Variants in AVIL observed in about 807,000 individuals in gnomAD.
AVIL encodes the protein advillin.
Under a neutral mutation model 109.9 loss-of-function variants are expected in AVIL, and 78 were observed. That is an observed-to-expected ratio of 0.71 (90% confidence interval 0.59 to 0.86). The LOEUF (loss-of-function observed/expected upper bound fraction) is 0.86. Among genes scored for constraint, AVIL ranks in the 40% least tolerant of loss-of-function variants. The pLI is 0.00. For synonymous variants in AVIL, 367 were observed against 379.1 expected, an observed-to-expected ratio of 0.97 and a Z score of 0.37; for missense variants, 892 against 1,016.5, an observed-to-expected ratio of 0.88 and a Z score of 1.67.
In AVIL at chr12:57,799,930, A is replaced by T; in HGVS notation, c.2221-10T>A. 2 of 1,614,058 alleles carry T rather than the reference A, an allele frequency of 1.2e-6. No homozygotes were observed. Among genetic ancestry groups the T allele is most frequent in the Non-Finnish European group, 1.7e-6 (2 of 1,179,924 alleles). On this transcript the variant is annotated splice_polypyrimidine_tract_variant and intron_variant, in intron 18 of 19. Coordinates refer to ENST00000549994, the MANE Select transcript of AVIL (RefSeq NM_006576.4). ...TTGCATTCTTCATGTCCTAGGTAAGATAAGAATGTAGGCACAGGGAAAAGA... is the reference window on the plus strand; with the variant it reads ...TTGCATTCTTCATGTCCTAGGTAAGTTAAGAATGTAGGCACAGGGAAAAGA...
In AVIL at chr12:57,807,609, T is replaced by C; in HGVS notation, c.1313A>G (p.His438Arg). The change falls in exon 12 of 20, where the codon CAC becomes CGC. Residue 438 changes from histidine to arginine, a missense_variant. His to Arg is a conservative substitution (Grantham distance 29). Transcript: ENST00000549994. Reference sequence around the variant, plus strand: ...GCCTACCTGCCAGATGTACAAGATGTGATGTGGCTTCCCATTTACCTCGTA... The same window carrying C: ...GCCTACCTGCCAGATGTACAAGATGCGATGTGGCTTCCCATTTACCTCGTA... ...YTYEVNGKPH[H>R]ILYIWQGRHA... 1 of 1,614,238 alleles carries C rather than the reference T, an allele frequency of 6.2e-7. No individual in the cohort carries two copies. Among genetic ancestry groups the C allele is most frequent in the African/African-American group, 1.3e-5 (1 of 75,058 alleles).
At position 57,811,133 on chromosome 12, in the gene AVIL, G is replaced by A. The variant is rs1232192816; in HGVS notation, c.339-6C>T. 1 of 1,613,654 alleles carries A rather than the reference G, an allele frequency of 6.2e-7. No individual in the cohort carries two copies. Among genetic ancestry groups the A allele is most frequent in the Non-Finnish European group, 8.5e-7 (1 of 1,179,770 alleles). ...CGACACCCCCCTGCTTGTAGCTAAGGGAACATCCATTCAGTTATTTGAGTG... is the reference window on the plus strand; with the variant it reads ...CGACACCCCCCTGCTTGTAGCTAAGAGAACATCCATTCAGTTATTTGAGTG... On this transcript the variant is annotated splice_region_variant and splice_polypyrimidine_tract_variant and intron_variant, in intron 4 of 19. Coordinates refer to ENST00000549994, the MANE Select transcript of AVIL (RefSeq NM_006576.4).
Position 57,818,612 on chromosome 12 carries a change from T to C in AVIL, c.-20+17A>G, listed in dbSNP as rs142739526. ...AGGAGGATTAACTGGCATGCCCCCGTAAATCAGAGACCTTACCTTGCCTTC... is the reference window on the plus strand; with the variant it reads ...AGGAGGATTAACTGGCATGCCCCCGCAAATCAGAGACCTTACCTTGCCTTC... On this transcript the variant is annotated intron_variant, in intron 1 of 19. Coordinates refer to ENST00000549994, the MANE Select transcript of AVIL (RefSeq NM_006576.4). 1.3e-5 allele frequency: 2 copies of C among 152,294 alleles called. No individual in the cohort carries two copies. The highest frequency in any genetic ancestry group is 4.8e-5 in the African/African-American group (2 of 41,562). The allele number at this position is 152,294 out of a possible 1,614,324, so 9.4% of individuals were successfully genotyped here. A position where few individuals can be genotyped will look rare whatever the true frequency, so the allele number is the denominator to read the frequency against.
In AVIL at chr12:57,807,369, A is replaced by AGT; in HGVS notation, c.1451_1452dup (p.Phe485ThrfsTer10). On this transcript the variant is annotated frameshift_variant, in exon 13 of 20. Coordinates refer to ENST00000549994, the MANE Select transcript of AVIL (RefSeq NM_006576.4). LOFTEE classifies it high-confidence loss of function. ...AGCTTCCCTTTGAAGATGGCCATGA[A>AGT]GTGGCGTGGCTCCGTTCCCATCCTG... 1 of 1,614,212 alleles carries AGT rather than the reference A, an allele frequency of 6.2e-7. No individual in the cohort carries two copies. The highest frequency in any genetic ancestry group is 8.5e-7 in the Non-Finnish European group (1 of 1,180,030).
chr12:57,809,451 TC>T, intron 9 of AVIL, 145 bp downstream of exon 9: 2 of 889,114 alleles, frequency 2.2e-6, no homozygotes, highest in Non-Finnish European at 3.4e-6. Flanking sequence ...TGGATTTGAA[TC>T]CCAGTTTGTC....
At position 57,797,836 on chromosome 12, in the gene AVIL, A is replaced by G; in HGVS notation, c.*46T>C. 1 of 1,409,640 alleles carries G rather than the reference A, an allele frequency of 7.1e-7. No individual in the cohort carries two copies. Among genetic ancestry groups the G allele is most frequent in the South Asian group, 1.4e-5 (1 of 73,812 alleles). 87.3% of individuals were successfully genotyped at this position (1,409,640 alleles called of 1,614,324 possible). On this transcript the variant is annotated 3_prime_UTR_variant, in exon 20 of 20. Transcript: ENST00000549994. ...TAAATTATTTCCTGATATTGGCACT[A>G]TCTGCTCTTTTCTGTGGCCTTGCAA...
chr12:57,810,645 G>T, intron 6 of AVIL, 94 bp from the exon 7 acceptor site: 2 of 1,459,584 alleles, frequency 1.4e-6, no homozygotes, highest in Non-Finnish European at 9.4e-7. Context: ...AGACACAGGA[G>T]TTACTTGGAT....
intron 9 of AVIL, 130 bp downstream of exon 9, chr12:57,809,467 T>C (rs1051152727): frequency 1.9e-6 from 2 of 1,059,404 alleles, no homozygotes; most frequent in African/African-American, 3.2e-5. Flanking sequence ...TTTGTCTGCC[T>C]GACTTTGCAG....
intron 19 of AVIL, among the ~76,000 whole-genome samples, chr12:57,798,760 G>A (rs1209949042): frequency 6.6e-6 from 1 of 151,800 alleles, no homozygotes; most frequent in African/African-American, 2.4e-5. Flanking sequence ...GGGACTACAG[G>A]CACCCACCAC....
At chr12:57,798,836 C>T (rs988786371) in intron 19 of AVIL, among the ~76,000 whole-genome samples, 30 of 152,022 alleles carry the variant, frequency 2.0e-4, no homozygotes, top group African/African-American at 7.2e-4. Flanking sequence ...AGGCCAGTCT[C>T]GAACTCCTGA....
At chr12:57,800,050 A>AG in intron 18 of AVIL, 130 bp from the exon 19 acceptor site, 6 of 1,235,412 alleles carry the variant, frequency 4.9e-6, no homozygotes, top group Non-Finnish European at 6.7e-6. Context: ...CTTTGATAAC[A>AG]ATGCTCCCCA....
chr12:57,809,053 T>G (rs957294508), intron 9 of AVIL: 1 of 165,484 alleles, frequency 6.0e-6, no homozygotes, highest in African/African-American at 2.4e-5. Context: ...TAGGCTGGAG[T>G]GCCGTGGCGT....
chr12:57,799,383 A>C (rs1252156197), intron 19 of AVIL, among the ~76,000 whole-genome samples: 1 of 152,230 alleles, frequency 6.6e-6, no homozygotes, highest in African/African-American at 2.4e-5. Context: ...CAGGGGCCAG[A>C]TTGTATAGGC....
rs1956061925 is a variant in AVIL, at chr12:57,813,369, C to T, written c.196G>A (p.Asp66Asn). ...CAGCTTTGCTCATCCTGGGAGGAGT[C>T]CTTCCCGATCCAGAAGTGGATGTCC... ...SQDIHFWIGK[D>N]SSQDEQSCAA... is the part of the protein sequence containing the mutation. The change falls in exon 4 of 20, where the codon GAC becomes AAC. Residue 66 changes from aspartate (D) to asparagine (N), a missense_variant. Coordinates refer to ENST00000549994, the MANE Select transcript of AVIL (RefSeq NM_006576.4). The T allele has an allele frequency of 6.2e-7, 1 of 1,613,996 alleles. No homozygotes were observed. Among genetic ancestry groups the T allele is most frequent in the African/African-American group, 1.3e-5 (1 of 74,908 alleles).
At chr12:57,801,360 T>G in intron 17 of AVIL, 148 bp from the exon 18 acceptor site, 1 of 609,830 alleles carries the variant, frequency 1.6e-6, no homozygotes, top group Non-Finnish European at 2.9e-6. Context: ...TCCCCCCTTT[T>G]GGGTCCATGC....
At chr12:57,815,698 A>G (rs912660481) in intron 2 of AVIL, 1 of 1,377,228 alleles carries the variant, frequency 7.3e-7, no homozygotes, top group Non-Finnish European at 9.5e-7. Context: ...GTTTCCTGCA[A>G]GTGCAGACTC....
chr12:57,806,227 C>G (rs1476188951), intron 14 of AVIL, 133 bp downstream of exon 14: 1 of 850,620 alleles, frequency 1.2e-6, no homozygotes, highest in East Asian at 2.8e-5. Context: ...CTGTATCATT[C>G]CAGTTTTAGT....
chr12:57,809,726 C>T, intron 8 of AVIL, 31 bp from the exon 9 acceptor site: 1 of 1,613,810 alleles, frequency 6.2e-7, no homozygotes, highest in Non-Finnish European at 8.5e-7. Context: ...TATGGTTGCT[C>T]AAGACCAGAA....
At position 57,808,056 on chromosome 12, in the gene AVIL, C is replaced by A. The variant is rs192193492; in HGVS notation, c.1194+138G>T. On this transcript the variant is annotated intron_variant, in intron 11 of 19. Coordinates refer to ENST00000549994, the MANE Select transcript of AVIL (RefSeq NM_006576.4). ...CTGAAAACTCTACAGACTCACAAGACTCTTAAAGAAGACTCCTGAGGTGCC... is the reference window on the plus strand; with the variant it reads ...CTGAAAACTCTACAGACTCACAAGAATCTTAAAGAAGACTCCTGAGGTGCC... 61 of 1,016,110 alleles carry A rather than the reference C, an allele frequency of 6.0e-5. 1 individual carries two copies. The Admixed American group carries it at 7.4e-4, about 12-fold the overall frequency. The allele number at this position is 1,016,110 out of a possible 1,614,324, so 62.9% of individuals were successfully genotyped here. A position where few individuals can be genotyped will look rare whatever the true frequency, so the allele number is the denominator to read the frequency against.
Sources: gnomAD v4.1 joint callset for allele counts (sites outside exome capture counted in the v4.1 genomes callset) on GRCh38, gnomAD v4.1.1 for gene constraint, MANE v1.5 for transcripts, NCBI Gene and HGNC (gene_info 2026-07-23, HGNC 2026-07-21) for gene names.